DSCAM: variants seen among roughly 807,000 people sequenced by gnomAD.
DSCAM encodes the protein DS cell adhesion molecule.
In DSCAM, 47 loss-of-function variants were observed where a neutral mutation model predicts 217.7. That is an observed-to-expected ratio of 0.22 (90% CI 0.17 to 0.28). The LOEUF (loss-of-function observed/expected upper bound fraction) is 0.28, where lower values mean the gene tolerates loss of function less well. Among genes scored for constraint, DSCAM ranks in the 10% least tolerant of loss-of-function variants. DSCAM has a pLI of 1.00. For missense variants in DSCAM, 2,080 were observed against 2,618.3 expected (o/e 0.79, Z 4.49); for synonymous variants, 1,056 against 1,015.3 (o/e 1.04, Z -0.76).
intron 3 of DSCAM, among the ~76,000 whole-genome samples, chr21:40,496,310 T>C (rs914584816): frequency 3.9e-5 from 6 of 152,100 alleles, no homozygotes; most frequent in Admixed American, 2.0e-4. Context: ...GGTACTGGCA[T>C]AGAAACAGAC....
intron 3 of DSCAM, among the ~76,000 whole-genome samples, chr21:40,580,096 T>C (rs8126952): frequency 0.038 from 5,742 of 150,232 alleles, 311 homozygotes; most frequent in African/African-American, 0.12. Flanking sequence ...TTTTTTTTTT[T>C]CCTGAGACAG....
At chr21:40,523,103 G>A (rs948492331) in intron 3 of DSCAM, among the ~76,000 whole-genome samples, 1 of 152,064 alleles carries the variant, frequency 6.6e-6, no homozygotes, top group African/African-American at 2.4e-5. Flanking sequence ...CAGACACCTA[G>A]ACACTTCATA....
intron 11 of DSCAM, among the ~76,000 whole-genome samples, chr21:40,229,341 C>CT (rs1208289706): frequency 2.0e-5 from 3 of 152,264 alleles, no homozygotes; most frequent in East Asian, 3.9e-4. Flanking sequence ...CTCTTAAATG[C>CT]TTTTTTTGAA....
intron 3 of DSCAM, among the ~76,000 whole-genome samples, chr21:40,431,766 G>T (rs1448412767): frequency 6.6e-6 from 1 of 152,184 alleles, no homozygotes; most frequent in African/African-American, 2.4e-5. Context: ...AATGTTATAT[G>T]CAGATTTCTG....
intron 3 of DSCAM, among the ~76,000 whole-genome samples, chr21:40,664,689 T>C (rs1488570114): frequency 6.6e-6 from 1 of 152,172 alleles, no homozygotes; most frequent in Non-Finnish European, 1.5e-5. Context: ...CCTTGTCAGA[T>C]TGTCAGACAG....
intron 3 of DSCAM, among the ~76,000 whole-genome samples, chr21:40,509,381 TC>T (rs1446087999): frequency 2.0e-5 from 3 of 152,228 alleles, no homozygotes; most frequent in African/African-American, 7.2e-5. Flanking sequence ...AAGACCCTTT[TC>T]TTTTACACTG....
chr21:40,064,082 T>C (rs1005107313), intron 27 of DSCAM, among the ~76,000 whole-genome samples: 7 of 151,986 alleles, frequency 4.6e-5, no homozygotes, highest in Non-Finnish European at 1.0e-4. Context: ...TATAATGAAT[T>C]TCCTCTTTCC....
chr21:40,156,155 C>A (rs1432878928), intron 16 of DSCAM, among the ~76,000 whole-genome samples: 2 of 151,814 alleles, frequency 1.3e-5, no homozygotes, highest in African/African-American at 4.8e-5. Context: ...TGGAGACAAA[C>A]TGAGTCCTGG....
At chr21:40,636,169 C>T (rs2089755382) in intron 3 of DSCAM, among the ~76,000 whole-genome samples, 1 of 152,160 alleles carries the variant, frequency 6.6e-6, no homozygotes, top group Admixed American at 6.5e-5. Flanking sequence ...GACCCCAGCA[C>T]TCGCTATCTC....
At chr21:40,413,394 C>T (rs535081387) in intron 3 of DSCAM, among the ~76,000 whole-genome samples, 2 of 152,360 alleles carry the variant, frequency 1.3e-5, no homozygotes, top group South Asian at 4.1e-4. Context: ...AGAGGCAGAG[C>T]TGCCCAGACC....
At chr21:40,156,159 G>C (rs2090474332) in intron 16 of DSCAM, among the ~76,000 whole-genome samples, 1 of 151,914 alleles carries the variant, frequency 6.6e-6, no homozygotes, top group South Asian at 2.1e-4. Flanking sequence ...GACAAACTGA[G>C]TCCTGGAATC....
intron 3 of DSCAM, among the ~76,000 whole-genome samples, chr21:40,547,384 G>A (rs1402035237): frequency 3.9e-5 from 6 of 152,124 alleles, no homozygotes; most frequent in African/African-American, 1.4e-4. Flanking sequence ...TCACCCGGAG[G>A]GACGTGAAAG....
At chr21:40,638,599 G>A (rs1028366746) in intron 3 of DSCAM, among the ~76,000 whole-genome samples, 2 of 152,176 alleles carry the variant, frequency 1.3e-5, no homozygotes, top group African/African-American at 4.8e-5. Flanking sequence ...CTCTGCTCTT[G>A]CATTCCCTGA....
At chr21:40,128,278 G>A (rs564905480) in intron 19 of DSCAM, among the ~76,000 whole-genome samples, 4 of 149,712 alleles carry the variant, frequency 2.7e-5, no homozygotes, top group African/African-American at 7.4e-5. Flanking sequence ...GATTTCATTC[G>A]TGTCTGTGTG....
chr21:40,136,521 T>C (rs1202396315), intron 18 of DSCAM, among the ~76,000 whole-genome samples: 4 of 152,158 alleles, frequency 2.6e-5, no homozygotes, highest in African/African-American at 9.7e-5. Flanking sequence ...ATGGACAAAC[T>C]TTAAATATAG....
chr21:40,246,354 TAAAAAAAAAAAAAAAAAAAA>T (rs34308158), intron 11 of DSCAM, among the ~76,000 whole-genome samples: 3 of 13,920 alleles, frequency 2.2e-4, no homozygotes, highest in African/African-American at 5.4e-4. Context: ...CAGTCCGTAC[TAAAAAAAAAAAAAAAAAAAA>T]AAAAAAAAAA....
At chr21:40,283,095 C>T (rs1316473479) in intron 10 of DSCAM, among the ~76,000 whole-genome samples, 1 of 152,150 alleles carries the variant, frequency 6.6e-6, no homozygotes, top group African/African-American at 2.4e-5. Context: ...ACTACAGTTC[C>T]AAGGGCTAGC....
chr21:40,314,212 G>A (rs2026272), intron 8 of DSCAM, among the ~76,000 whole-genome samples: 1 of 151,996 alleles, frequency 6.6e-6, no homozygotes, highest in East Asian at 1.9e-4. Context: ...TCACTATGAC[G>A]GCTGTCTGCT....
chr21:40,075,461 T>C (rs1334330582), intron 26 of DSCAM, among the ~76,000 whole-genome samples: 2 of 152,218 alleles, frequency 1.3e-5, no homozygotes, highest in African/African-American at 2.4e-5. Context: ...TGCACTACAG[T>C]GTGCAGGCAC....
Sources: gnomAD v4.1 joint callset for allele counts (sites outside exome capture counted in the v4.1 genomes callset) on GRCh38, gnomAD v4.1.1 for gene constraint, MANE v1.5 for transcripts, NCBI Gene and HGNC (gene_info 2026-07-23, HGNC 2026-07-21) for gene names.